Variants in OC90 observed in about 807,000 individuals in gnomAD.
OC90 encodes otoconin-90.
In OC90, 46 loss-of-function variants were observed where a neutral mutation model predicts 47.3. The observed-to-expected ratio is 0.97, with a 90% CI of 0.77 to 1.24. OC90 has a LOEUF of 1.24. OC90 is among the 50% of genes most tolerant of loss of function. OC90 has a pLI of 0.00. For synonymous variants in OC90, 271 were observed against 219.5 expected (o/e 1.23, Z -2.07); for missense variants, 688 against 583.9 (o/e 1.18, Z -1.84).
intron 1 of OC90, among the ~76,000 whole-genome samples, chr8:132,059,022 T>C (rs1454279116): frequency 6.6e-6 from 1 of 151,832 alleles, no homozygotes; most frequent in Non-Finnish European, 1.5e-5. Flanking sequence ...CCCTCCATTC[T>C]TCTCTCCCTT....
chr8:132,031,895 C>T lies in OC90; in HGVS notation c.1017G>A (p.Arg339=), dbSNP rs370845494. 2 of 1,613,908 alleles carry T rather than the reference C, an allele frequency of 1.2e-6. No individual in the cohort carries two copies. Among genetic ancestry groups the T allele is most frequent in the East Asian group, 2.2e-5 (1 of 44,872 alleles). The part of the protein sequence containing the change: ...YCGQEGRGEP[R]DDLDRCCLSH... ...GCTCTCCATACCTGTCTAGGTCATC[C>T]CTTGGCTCGCCTCTTCCTTCTTGTC... The change falls in exon 12 of 14, where the codon AGG becomes AGA. Residue 339 remains arginine, a synonymous_variant. Coordinates refer to ENST00000254627, the MANE Select transcript of OC90 (RefSeq NM_001080399.3).
At chr8:132,040,317 G>A (rs1390183222) in intron 6 of OC90, among the ~76,000 whole-genome samples, 2 of 152,174 alleles carry the variant, frequency 1.3e-5, no homozygotes, top group African/African-American at 4.8e-5. Flanking sequence ...GGGTTGTAAG[G>A]AAGATCAGAG....
intron 1 of OC90, among the ~76,000 whole-genome samples, chr8:132,055,946 A>C (rs1823274985): frequency 6.6e-6 from 1 of 152,238 alleles, no homozygotes; most frequent in Non-Finnish European, 1.5e-5. Context: ...ATTTTAAAAT[A>C]ATATTTGCCC....
At chr8:132,036,606 G>A (rs1437834555) in intron 9 of OC90, among the ~76,000 whole-genome samples, 1 of 152,254 alleles carries the variant, frequency 6.6e-6, no homozygotes, top group Non-Finnish European at 1.5e-5. Context: ...CTAGAGCCAG[G>A]CCTGTGTTTA....
rs773360709 is a variant in OC90 at position 132,024,759 on chromosome 8, A to C, written c.1156T>G (p.Cys386Gly). The C allele has an allele frequency of 1.2e-6, 2 of 1,613,138 alleles. No individual in the cohort carries two copies. Among genetic ancestry groups the C allele is most frequent in the East Asian group, 4.5e-5 (2 of 44,878 alleles). ...HTPKCGGQSLCEKLLCACDQT... is the reference protein window; with the variant it reads ...HTPKCGGQSLGEKLLCACDQT... ...TCACAGGCACAGAGCAACTTCTCAC[A>C]CAGGCTTTGGCCCCCACCTTAGAAG... Residue 386 changes from cysteine (C) to glycine (G), a missense_variant, in exon 14 of 14, where the codon TGT (cysteine) becomes GGT (glycine). Physicochemically the swap from Cys to Gly is radical, Grantham distance 159. Coordinates refer to ENST00000254627, the MANE Select transcript of OC90 (RefSeq NM_001080399.3).
intron 2 of OC90, among the ~76,000 whole-genome samples, chr8:132,053,894 T>C (rs1047833832): frequency 3.3e-5 from 5 of 152,222 alleles, no homozygotes; most frequent in African/African-American, 1.2e-4. Flanking sequence ...GCAGTCACCC[T>C]GGCTGTGTTG....
chr8:132,028,752 AAG>A, intron 13 of OC90, among the ~76,000 whole-genome samples: 2 of 148,214 alleles, frequency 1.3e-5, no homozygotes, highest in South Asian at 4.3e-4. Context: ...GGAAGAAAGG[AAG>A]AGAGAGATAG....
Position 132,057,515 on chromosome 8 carries a change from C to T in OC90, c.-48+1826G>A, listed in dbSNP as rs79576319. Among the ~76,000 whole-genome samples, 10 of 152,136 alleles carry T rather than the reference C, an allele frequency of 6.6e-5. No individual in the cohort carries two copies. The South Asian group carries it at 1.5e-3, about 22-fold the overall frequency. ...TAAGGAGGTATGATTGGGTGTTCTT[C>T]GATAATGGGGAGAGTTTCAGTAGGG... On this transcript the variant is annotated intron_variant, in intron 1 of 13. Coordinates refer to ENST00000254627, the MANE Select transcript of OC90 (RefSeq NM_001080399.3).
rs187292720 is a variant in OC90, at chr8:132,040,573, A to G, written c.457+471T>C. Among the ~76,000 whole-genome samples, 550 of 152,278 alleles carry G rather than the reference A, an allele frequency of 3.6e-3. 15 individuals carry two copies. Among genetic ancestry groups the G allele is most frequent in the Admixed American group, 0.034 (524 of 15,286 alleles). On this transcript the variant is annotated intron_variant, in intron 6 of 13. Coordinates refer to ENST00000254627, the MANE Select transcript of OC90 (RefSeq NM_001080399.3). Reference sequence around the variant, plus strand: ...CCACCGCACGCCTTATTCACGTATCACTACTTCCACCTCCACGTCCATCTC... The same window carrying G: ...CCACCGCACGCCTTATTCACGTATCGCTACTTCCACCTCCACGTCCATCTC...
rs190749924 is a variant in OC90 at position 132,024,549 on chromosome 8, C to G, written c.1366G>C (p.Gly456Arg). The change falls in exon 14 of 14, where the codon GGC becomes CGC. Residue 456 changes from glycine to arginine, a missense_variant. Gly to Arg is a moderately radical substitution (Grantham distance 125). Coordinates refer to ENST00000254627, the MANE Select transcript of OC90 (RefSeq NM_001080399.3). ...TTCCGCAGAAACCTCTTGGCTCTGC[C>G]GAGGTCCTCCTGTGGAGGGTCCTCC... ...SEEDPPQEDL[G>R]RAKRFLRKSL... 2 of 1,608,916 alleles carry G rather than the reference C, an allele frequency of 1.2e-6. No homozygotes were observed. The highest frequency in any genetic ancestry group is 2.2e-5 in the East Asian group (1 of 44,758).
In OC90 at chr8:132,036,351, C is replaced by T. The variant is rs754901912; in HGVS notation, c.679+1087G>A. 5 of 780,750 alleles carry T rather than the reference C, an allele frequency of 6.4e-6. No individual in the cohort carries two copies. The East Asian group carries it at 1.2e-4, about 19-fold the overall frequency. 48.4% of individuals were successfully genotyped at this position (780,750 alleles called of 1,614,324 possible). On this transcript the variant is annotated intron_variant, in intron 9 of 13. Transcript: ENST00000254627. ...CCACTGGATTCCAGGCTGTCCTTTT[C>T]CAAATTCCCCTCTGCTTACTTTTCT...
At chr8:132,042,122 A>G (rs1447966010) in intron 4 of OC90, among the ~76,000 whole-genome samples, 1 of 148,152 alleles carries the variant, frequency 6.7e-6, no homozygotes, top group Non-Finnish European at 1.5e-5. Flanking sequence ...AAAGGCAAGT[A>G]GGAAGATCCT....
At chr8:132,054,770 C>A (rs1823259521) in intron 2 of OC90, among the ~76,000 whole-genome samples, 1 of 152,028 alleles carries the variant, frequency 6.6e-6, no homozygotes, top group African/African-American at 2.4e-5. Context: ...ATTTTTGTCA[C>A]CACAAGGTAG....
chr8:132,048,245 C>A (rs1823161629), intron 2 of OC90, among the ~76,000 whole-genome samples: 1 of 152,216 alleles, frequency 6.6e-6, no homozygotes, highest in Non-Finnish European at 1.5e-5. Flanking sequence ...AAAAGAAAAA[C>A]TTTCAAATAT....
At chr8:132,034,979 T>C (rs1822935801) in intron 9 of OC90, 145 bp from the exon 10 acceptor site, 2 of 614,340 alleles carry the variant, frequency 3.3e-6, no homozygotes, top group Non-Finnish European at 5.8e-6. Context: ...TGAGATTTCC[T>C]AAGAGAGCTG....
chr8:132,038,737 A>G (rs1586710318), intron 8 of OC90, 53 bp downstream of exon 8: 2 of 1,464,074 alleles, frequency 1.4e-6, no homozygotes, highest in African/African-American at 1.4e-5. Flanking sequence ...ACCGGCTCCC[A>G]TCAGCATCTG....
rs780953564 is a variant in OC90, at chr8:132,024,716, C to T, written c.1199G>A (p.Cys400Tyr). ...TTGGTTAAAGGAGGCAGAGGTCATG[C>T]ACTCAGCTGCCGTCTGGTCACAGGC... ...LCACDQTAAECMTSASFNQSL... is the reference protein window; with the variant it reads ...LCACDQTAAEYMTSASFNQSL... Residue 400 changes from cysteine (C) to tyrosine (Y), a missense_variant, in exon 14 of 14, where the codon TGC becomes TAC. Transcript: ENST00000254627. 2 of 1,613,796 alleles carry T rather than the reference C, an allele frequency of 1.2e-6. No homozygotes were observed. Among genetic ancestry groups the T allele is most frequent in the Non-Finnish European group, 8.5e-7 (1 of 1,179,792 alleles).
At chr8:132,033,248 A>C in intron 10 of OC90, 84 bp from the exon 11 acceptor site, 2 of 1,327,964 alleles carry the variant, frequency 1.5e-6, no homozygotes, top group South Asian at 2.5e-5. Context: ...GCCAAATGCA[A>C]ACAGATAGAA....
intron 9 of OC90, among the ~76,000 whole-genome samples, chr8:132,036,086 A>G (rs1470600043): frequency 1.3e-5 from 2 of 152,358 alleles, no homozygotes; most frequent in Non-Finnish European, 2.9e-5. Context: ...AGATATTTTT[A>G]GGGAAGACAG....
Sources: gnomAD v4.1 joint callset for allele counts (sites outside exome capture counted in the v4.1 genomes callset) on GRCh38, gnomAD v4.1.1 for gene constraint, MANE v1.5 for transcripts, NCBI Gene and HGNC (gene_info 2026-07-23, HGNC 2026-07-21) for gene names.